Variants in OSBPL9 observed in about 807,000 individuals in gnomAD.
OSBPL9 encodes oxysterol-binding protein-related protein 9.
A neutral mutation model predicts 106.6 loss-of-function variants in OSBPL9; 40 were observed. The ratio of observed to expected loss-of-function variants is 0.38; its 90% CI spans 0.29 to 0.49. The LOEUF is 0.49. Ranked by LOEUF, OSBPL9 falls within the 20% of genes least tolerant of loss-of-function variation. The probability of loss-of-function intolerance (pLI) is 0.97; values close to 1 mark genes in which losing one functional copy is unlikely to be tolerated. For missense variants in OSBPL9, 609 were observed against 887.2 expected (o/e 0.69, Z 3.98); for synonymous variants, 269 against 295.4 (o/e 0.91, Z 0.92).
chr1:51,532,435 A>T, the OSBPL9 span, among the ~76,000 whole-genome samples: 1 of 152,186 alleles, frequency 6.6e-6, no homozygotes, highest in Non-Finnish European at 1.5e-5. Context: ...GTGGGCATGG[A>T]TGCAGGTGGA....
intron 1 of OSBPL9, among the ~76,000 whole-genome samples, chr1:51,580,892 T>C (rs1196260731): frequency 8.6e-5 from 6 of 70,130 alleles, no homozygotes; most frequent in African/African-American, 2.8e-4. Context: ...CTTCTAGCCA[T>C]TATATATATA....
intron 8 of OSBPL9, among the ~76,000 whole-genome samples, chr1:51,754,479 T>C (rs1669923575): frequency 6.6e-6 from 1 of 152,180 alleles, no homozygotes; most frequent in African/African-American, 2.4e-5. Context: ...CACAGATCAA[T>C]TTGATTTATG....
intron 12 of OSBPL9, among the ~76,000 whole-genome samples, chr1:51,769,410 T>C (rs1334107283): frequency 1.3e-5 from 2 of 152,132 alleles, no homozygotes; most frequent in African/African-American, 4.8e-5. Flanking sequence ...GAGCCAGACG[T>C]GTTTGAAATG....
At chr1:51,529,233 T>G in the OSBPL9 span, among the ~76,000 whole-genome samples, 1 of 151,734 alleles carries the variant, frequency 6.6e-6, no homozygotes, top group South Asian at 2.1e-4. Context: ...GGAAGACTCA[T>G]GCTTCCTGAT....
Position 51,744,720 on chromosome 1 carries a change from A to G in OSBPL9, c.319-816A>G, listed in dbSNP as rs61782140. Among the ~76,000 whole-genome samples the G allele has an allele frequency of 5.7e-3, 871 of 152,356 alleles. 7 individuals are homozygous for G. Among genetic ancestry groups the G allele is most frequent in the Non-Finnish European group, 6.5e-3 (441 of 68,034 alleles). ...AACCCTCAGTCCCCTGCTTAACAGT[A>G]TGATGACTGGGCATGAAAATGTGGC... On this transcript the variant is annotated intron_variant, in intron 4 of 23. Coordinates refer to ENST00000428468, the MANE Select transcript of OSBPL9 (RefSeq NM_024586.6).
intron 1 of OSBPL9, among the ~76,000 whole-genome samples, chr1:51,590,032 C>CAAAAAA (rs941103745): frequency 2.0e-5 from 1 of 50,282 alleles, no homozygotes; most frequent in African/African-American, 7.0e-5. Flanking sequence ...GACTCCGTCT[C>CAAAAAA]AAAAAAAAAA....
intron 3 of OSBPL9, chr1:51,669,896 T>C: frequency 2.3e-6 from 1 of 441,374 alleles, no homozygotes; most frequent in Non-Finnish European, 4.5e-6. Context: ...TTGCAGTGTT[T>C]GTCTGTGTAA....
intron 11 of OSBPL9, 30 bp downstream of exon 11, chr1:51,762,001 C>A: frequency 6.8e-7 from 1 of 1,466,044 alleles, no homozygotes; most frequent in Non-Finnish European, 9.6e-7. Flanking sequence ...CTTTATGTCT[C>A]ATAACTCTAT....
chr1:51,752,549 T>C (rs1669487846), intron 8 of OSBPL9: 1 of 455,932 alleles, frequency 2.2e-6, no homozygotes, highest in Non-Finnish European at 4.4e-6. Flanking sequence ...CTTGTATTAG[T>C]CTGCATGGGC....
intron 2 of OSBPL9, among the ~76,000 whole-genome samples, chr1:51,600,788 G>C (rs1422987000): frequency 1.3e-5 from 2 of 152,170 alleles, no homozygotes; most frequent in Non-Finnish European, 2.9e-5. Flanking sequence ...AGTGTAACTA[G>C]AGCACTTGGC....
intron 12 of OSBPL9, among the ~76,000 whole-genome samples, chr1:51,771,542 T>A (rs1282215859): frequency 6.6e-6 from 1 of 152,236 alleles, no homozygotes; most frequent in African/African-American, 2.4e-5. Context: ...ACAGGTATGA[T>A]AATCTATTAA....
At chr1:51,557,027 T>A in the OSBPL9 span, among the ~76,000 whole-genome samples, 1 of 151,986 alleles carries the variant, frequency 6.6e-6, no homozygotes, top group African/African-American at 2.4e-5. Flanking sequence ...TTTACCCTGA[T>A]GTGATTATTA....
chr1:51,560,450 G>T, the OSBPL9 span, among the ~76,000 whole-genome samples: 1 of 152,304 alleles, frequency 6.6e-6, no homozygotes, highest in Non-Finnish European at 1.5e-5. Context: ...GAGAATTTGG[G>T]GAGGTAATGT....
intron 9 of OSBPL9, among the ~76,000 whole-genome samples, chr1:51,757,581 A>G (rs188941192): frequency 2.6e-5 from 4 of 152,164 alleles, no homozygotes; most frequent in African/African-American, 9.6e-5. Flanking sequence ...ATCATTTGCA[A>G]TGAAAAACAT....
intron 3 of OSBPL9, among the ~76,000 whole-genome samples, chr1:51,693,831 CATCTGATT>C (rs767094221): frequency 9.2e-5 from 14 of 152,182 alleles, no homozygotes; most frequent in Non-Finnish European, 1.6e-4. Flanking sequence ...CATTTTGAAC[CATCTGATT>C]ATCTAAGTGG....
intron 4 of OSBPL9, among the ~76,000 whole-genome samples, chr1:51,717,458 C>T (rs1285126783): frequency 1.3e-5 from 2 of 152,154 alleles, no homozygotes; most frequent in African/African-American, 4.8e-5. Flanking sequence ...TTTGATCTGA[C>T]CCCTACTTCT....
chr1:51,715,372 A>T (rs1557730040), intron 4 of OSBPL9, among the ~76,000 whole-genome samples: 5 of 152,228 alleles, frequency 3.3e-5, no homozygotes. Context: ...TTCATAAATG[A>T]CTATAGCATC....
chr1:51,694,307 A>G (rs939689553), intron 3 of OSBPL9, among the ~76,000 whole-genome samples: 10 of 152,216 alleles, frequency 6.6e-5, no homozygotes, highest in Non-Finnish European at 1.5e-5. Flanking sequence ...GATTTTTGCA[A>G]TTCTCTTTAA....
intron 1 of OSBPL9, among the ~76,000 whole-genome samples, chr1:51,645,567 C>T (rs966588130): frequency 6.6e-6 from 1 of 151,914 alleles, no homozygotes; most frequent in Admixed American, 6.6e-5. Context: ...TAACCTCAAA[C>T]TCCTGGGCTC....
Sources: gnomAD v4.1 joint callset for allele counts (sites outside exome capture counted in the v4.1 genomes callset) on GRCh38, gnomAD v4.1.1 for gene constraint, MANE v1.5 for transcripts, NCBI Gene and HGNC (gene_info 2026-07-23, HGNC 2026-07-21) for gene names.